Variants in DCK observed in about 807,000 individuals in gnomAD.
The protein encoded by DCK is deoxyadenosine kinase.
In DCK, 23 loss-of-function variants were observed where a neutral mutation model predicts 38.3. That is an observed-to-expected ratio of 0.60 (90% confidence interval 0.43 to 0.85). The LOEUF (loss-of-function observed/expected upper bound fraction) is 0.85. DCK is among the 40% of genes least tolerant of loss of function. The pLI is 0.00. For synonymous variants in DCK, 108 were observed against 100.6 expected (o/e 1.07, Z -0.44); for missense variants, 259 against 304.4 (o/e 0.85, Z 1.11).
chr4:71,004,277 C>T (rs907484384), intron 2 of DCK, among the ~76,000 whole-genome samples: 1 of 152,232 alleles, frequency 6.6e-6, no homozygotes, highest in East Asian at 1.9e-4. Flanking sequence ...GCCTGGGTAT[C>T]ACCAGCGGAG....
intron 2 of DCK, among the ~76,000 whole-genome samples, chr4:71,007,994 TG>T: frequency 6.6e-6 from 1 of 152,342 alleles, no homozygotes; most frequent in Non-Finnish European, 1.5e-5. Context: ...CCCAGAGTGT[TG>T]GGATTACAGG....
chr4:71,001,748 C>T (rs531915243), intron 2 of DCK, among the ~76,000 whole-genome samples: 24 of 152,198 alleles, frequency 1.6e-4, no homozygotes, highest in Non-Finnish European at 3.2e-4. Flanking sequence ...TCCATTTCTT[C>T]CAGATTTTCT....
At chr4:71,010,337 T>G (rs886711705) in intron 2 of DCK, among the ~76,000 whole-genome samples, 4 of 151,874 alleles carry the variant, frequency 2.6e-5, no homozygotes, top group African/African-American at 9.7e-5. Context: ...ACCACTCAGA[T>G]TATTAGCAAT....
At chr4:71,005,833 C>T (rs1739926459) in intron 2 of DCK, among the ~76,000 whole-genome samples, 1 of 151,516 alleles carries the variant, frequency 6.6e-6, no homozygotes, top group Non-Finnish European at 1.5e-5. Flanking sequence ...TGTTTAAAAA[C>T]AAGCAAATAA....
At chr4:71,021,748 A>G (rs2148918836) in intron 2 of DCK, among the ~76,000 whole-genome samples, 1 of 152,244 alleles carries the variant, frequency 6.6e-6, no homozygotes, top group Middle Eastern at 3.4e-3. Flanking sequence ...AGAAGACGTA[A>G]TCCCTGCACT....
intron 2 of DCK, among the ~76,000 whole-genome samples, chr4:71,015,502 A>T (rs2148916871): frequency 6.6e-6 from 1 of 152,356 alleles, no homozygotes; most frequent in South Asian, 2.1e-4. Context: ...TTAGACCAAT[A>T]TCCCTGATGA....
At chr4:71,002,380 C>G (rs1190935056) in intron 2 of DCK, among the ~76,000 whole-genome samples, 1 of 152,224 alleles carries the variant, frequency 6.6e-6, no homozygotes, top group East Asian at 1.9e-4. Flanking sequence ...GTTTTACTTC[C>G]AATTATGTGG....
At position 71,012,625 on chromosome 4, in the gene DCK, CA is replaced by C. The variant is rs201837557; in HGVS notation, c.208-9741del. Among the ~76,000 whole-genome samples, 869 of 152,358 alleles carry C rather than the reference CA, an allele frequency of 5.7e-3. 4 individuals are homozygous for C. The highest frequency in any genetic ancestry group is 8.5e-3 in the Non-Finnish European group (578 of 68,034). On this transcript the variant is annotated intron_variant, in intron 2 of 6. Transcript: ENST00000286648. ...CTGTTCAGCAGTATTCGCTGTTCTG[CA>C]GCCTCCGCTGCTGATACCCAGGCAA... is the stretch of plus-strand genomic sequence containing the variant.
intron 2 of DCK, among the ~76,000 whole-genome samples, chr4:71,007,826 C>T (rs1739986350): frequency 6.6e-6 from 1 of 152,242 alleles, no homozygotes; most frequent in African/African-American, 2.4e-5. Flanking sequence ...AGGTGATCCT[C>T]TCTCCTCAGC....
intron 4 of DCK, among the ~76,000 whole-genome samples, chr4:71,024,533 T>G (rs747436556): frequency 6.6e-6 from 1 of 152,106 alleles, no homozygotes; most frequent in Non-Finnish European, 1.5e-5. Context: ...ATGTTATGAC[T>G]TCTGGCCTAA....
chr4:71,023,533 A>G, intron 3 of DCK, 26 bp from the exon 4 acceptor site: 4 of 1,416,128 alleles, frequency 2.8e-6, no homozygotes, highest in South Asian at 2.7e-5. Flanking sequence ...GAAATGATAC[A>G]TGTGTTGATG....
chr4:71,022,511 G>C lies in DCK; in HGVS notation c.352G>C (p.Asp118His). ...QLASLNGKLK[D>H]AEKPVLFFER... The stretch of plus-strand genomic sequence containing the variant: ...TGCCTCTCTGAATGGCAAGCTCAAA[G>C]ATGCAGAGAAACCTGTATTATTTTT... The change falls in exon 3 of 7, where the codon GAT (aspartate) becomes CAT (histidine). Residue 118 changes from aspartate to histidine, a missense_variant. Physicochemically the swap from Asp to His is moderately conservative, Grantham distance 81. Around this residue, in one of 3 missense-constraint regions of DCK, gnomAD observed 159 missense variants for 159.0 expected, o/e 1.00. Transcript: ENST00000286648. The C allele has an allele frequency of 1.2e-6, 2 of 1,602,676 alleles. No individual in the cohort carries two copies. Among genetic ancestry groups the C allele is most frequent in the Non-Finnish European group, 1.7e-6 (2 of 1,175,946 alleles).
At chr4:71,027,925 A>T (rs966119876) in intron 6 of DCK, among the ~76,000 whole-genome samples, 1 of 152,186 alleles carries the variant, frequency 6.6e-6, no homozygotes, top group Non-Finnish European at 1.5e-5. Context: ...TCACATTATT[A>T]TATTTACTTT....
Position 71,030,324 on chromosome 4 carries a change from G to A in DCK, c.*946G>A, listed in dbSNP as rs982229688. On this transcript the variant is annotated 3_prime_UTR_variant, in exon 7 of 7. Transcript: ENST00000286648. ...TTTCTTTCTAGTTTGTTTAGTTAAG[G>A]TGTGCAGTGTTTTTCCTGTGTATTA... 5 of 152,080 alleles carry A rather than the reference G, an allele frequency of 3.3e-5. No homozygotes were observed. Among genetic ancestry groups the A allele is most frequent in the African/African-American group, 1.2e-4 (5 of 41,400 alleles). The allele number at this position is 152,080 out of a possible 1,614,324, so 9.4% of individuals were successfully genotyped here.
intron 2 of DCK, among the ~76,000 whole-genome samples, chr4:71,016,773 A>C (rs939707572): frequency 6.6e-6 from 1 of 152,264 alleles, no homozygotes; most frequent in Admixed American, 6.5e-5. Flanking sequence ...ACCTTATACA[A>C]AAATTAATTC....
intron 2 of DCK, among the ~76,000 whole-genome samples, chr4:71,007,611 G>A (rs527856359): frequency 3.3e-5 from 5 of 152,138 alleles, no homozygotes; most frequent in Admixed American, 6.5e-5. Flanking sequence ...TACATTGTTT[G>A]CCTTTTTTCC....
chr4:71,025,568 TA>T (rs1180048631), intron 4 of DCK, among the ~76,000 whole-genome samples: 1 of 152,122 alleles, frequency 6.6e-6, no homozygotes, highest in Admixed American at 6.5e-5. Flanking sequence ...TCAAACTTAG[TA>T]TATTTCATGT....
At chr4:71,009,303 T>C (rs951944740) in intron 2 of DCK, among the ~76,000 whole-genome samples, 11 of 152,206 alleles carry the variant, frequency 7.2e-5, no homozygotes, top group South Asian at 6.2e-4. Context: ...CTGAACTCTT[T>C]AGTTAGGTTG....
chr4:71,022,933 C>T (rs1740464898), intron 3 of DCK, among the ~76,000 whole-genome samples: 1 of 152,100 alleles, frequency 6.6e-6, no homozygotes, highest in African/African-American at 2.4e-5. Context: ...CTTAGAATTG[C>T]CCTACTTATG....
Sources: gnomAD v4.1 joint callset for allele counts (sites outside exome capture counted in the v4.1 genomes callset) on GRCh38, gnomAD v4.1.1 for gene constraint, gnomAD v4.1.1 regional missense constraint, MANE v1.5 for transcripts, NCBI Gene and HGNC (gene_info 2026-07-23, HGNC 2026-07-21) for gene names.